The following AP3M2 variants were observed in gnomAD, a reference collection of about 807,000 sequenced individuals.
AP3M2 encodes adaptor related protein complex 3 subunit mu 2, also known as AP-3 complex subunit mu-2.
Under a neutral mutation model 41.6 loss-of-function variants are expected in AP3M2, and 28 were observed. The observed-to-expected ratio is 0.67, with a 90% confidence interval of 0.50 to 0.92. The LOEUF is 0.92. Among genes scored for constraint, AP3M2 ranks in the 40% least tolerant of loss-of-function variants. The pLI is 0.00. For missense variants in AP3M2, 427 were observed against 521.4 expected (o/e 0.82, Z 1.76); for synonymous variants, 193 against 186.4 (o/e 1.04, Z -0.29).
Position 42,165,450 on chromosome 8 carries a change from C to G in AP3M2, c.693C>G (p.Val231=), listed in dbSNP as rs1271903495. 6.2e-7 allele frequency: 1 copy of G among 1,614,162 alleles called. No homozygotes were observed. Among genetic ancestry groups the G allele is most frequent in the Non-Finnish European group, 8.5e-7 (1 of 1,180,024 alleles). The change falls in exon 6 of 9, where the codon GTC becomes GTG. Residue 231 remains valine (V), a synonymous_variant. Transcript: ENST00000396926. Reference sequence around the variant, plus strand: ...AGAACCCTAGGTTGTTGGATGATGTCAGCTTCCATCCTTGTGTTCGTTTCA... The same window carrying G: ...AGAACCCTAGGTTGTTGGATGATGTGAGCTTCCATCCTTGTGTTCGTTTCA... ...SFMNPRLLDD[V]SFHPCVRFKR... is the part of the protein sequence containing the mutation.
At chr8:42,167,526 C>T in intron 7 of AP3M2, 140 bp from the exon 8 acceptor site, 1 of 1,369,300 alleles carries the variant, frequency 7.3e-7, no homozygotes, top group South Asian at 1.4e-5. Flanking sequence ...ACGTAGGATT[C>T]TCAATGGAAA....
intron 2 of AP3M2, among the ~76,000 whole-genome samples, chr8:42,155,172 G>T (rs1438763850): frequency 6.6e-6 from 1 of 152,134 alleles, no homozygotes; most frequent in Admixed American, 6.5e-5. Context: ...AACCTCTTGC[G>T]TGGGAAAGTC....
chr8:42,155,041 T>A, intron 2 of AP3M2, 81 bp downstream of exon 2: 1 of 1,183,618 alleles, frequency 8.4e-7, no homozygotes, highest in Non-Finnish European at 1.2e-6. Flanking sequence ...AAGCCTCCAT[T>A]AAGAAACTTA....
At position 42,167,671 on chromosome 8, in the gene AP3M2, G is replaced by C; in HGVS notation, c.1017G>C (p.Leu339=). The part of the protein sequence containing the change: ...THTFDPVTKM[L]SWDVGKINPQ... Reference sequence around the variant, plus strand: ...CATTTTTATTTTCTTTGAAGATGCTGTCTTGGGATGTAGGAAAAATAAATC... The same window carrying C: ...CATTTTTATTTTCTTTGAAGATGCTCTCTTGGGATGTAGGAAAAATAAATC... Residue 339 remains leucine (L), a synonymous_variant, in exon 8 of 9, where the codon CTG becomes CTC. Transcript: ENST00000396926. 6.2e-7 allele frequency: 1 copy of C among 1,610,050 alleles called. No individual in the cohort carries two copies. The highest frequency in any genetic ancestry group is 8.5e-7 in the Non-Finnish European group (1 of 1,179,024).
chr8:42,161,996 G>T (rs935094366), intron 3 of AP3M2: 39 of 246,208 alleles, frequency 1.6e-4, no homozygotes, highest in Non-Finnish European at 3.9e-5. Flanking sequence ...CTGCATCTGA[G>T]ATACTAAGTT....
At chr8:42,168,353 G>T in intron 8 of AP3M2, 1 of 340,926 alleles carries the variant, frequency 2.9e-6, no homozygotes, top group East Asian at 8.1e-5. Flanking sequence ...CTTTTCATGT[G>T]TTTTCTTTTT....
chr8:42,164,439 A>G (rs1804585852), intron 4 of AP3M2, among the ~76,000 whole-genome samples: 1 of 152,194 alleles, frequency 6.6e-6, no homozygotes, highest in Admixed American at 6.5e-5. Flanking sequence ...AAGTAGGTAA[A>G]ATAACCCAGG....
At chr8:42,168,119 A>T (rs1425603673) in intron 8 of AP3M2, 1 of 529,202 alleles carries the variant, frequency 1.9e-6, no homozygotes, top group Non-Finnish European at 3.6e-6. Flanking sequence ...CAGGTTCCCA[A>T]GGTTTTCAGT....
In AP3M2 at chr8:42,167,379, T is replaced by G. The variant is rs778441868; in HGVS notation, c.1011+8T>G. The G allele has an allele frequency of 1.2e-6, 2 of 1,612,680 alleles. No individual in the cohort carries two copies. The highest frequency in any genetic ancestry group is 1.7e-6 in the Non-Finnish European group (2 of 1,178,844). ...TTCGACCCAGTCACAAAGGTAGGGATGAGCAGGACATCTTGAATTGCTGAT... is the reference window on the plus strand; with the variant it reads ...TTCGACCCAGTCACAAAGGTAGGGAGGAGCAGGACATCTTGAATTGCTGAT... On this transcript the variant is annotated splice_region_variant and intron_variant, in intron 7 of 8. Coordinates refer to ENST00000396926, the MANE Select transcript of AP3M2 (RefSeq NM_006803.4).
rs1255358636 is a variant in AP3M2 at position 42,158,039 on chromosome 8, T to C, written c.372T>C (p.Ala124=). Residue 124 remains alanine (A), a synonymous_variant, in exon 3 of 9, where the codon GCT becomes GCC. Transcript: ENST00000396926. Reference sequence around the variant, plus strand: ...TGCTTGACAATGGTTTTCCATTGGCTACCGAGTCGAACATTCTTAAAGAAC... The same window carrying C: ...TGCTTGACAATGGTTTTCCATTGGCCACCGAGTCGAACATTCTTAAAGAAC... ...EEMLDNGFPL[A]TESNILKELI... 3 of 1,614,094 alleles carry C rather than the reference T, an allele frequency of 1.9e-6. No homozygotes were observed. Among genetic ancestry groups the C allele is most frequent in the Non-Finnish European group, 1.7e-6 (2 of 1,180,038 alleles).
chr8:42,165,448 G>A lies in AP3M2; in HGVS notation c.691G>A (p.Val231Ile). 6.2e-7 allele frequency: 1 copy of A among 1,614,194 alleles called. No individual in the cohort carries two copies. The highest frequency in any genetic ancestry group is 8.5e-7 in the Non-Finnish European group (1 of 1,180,046). ...GTAGAACCCTAGGTTGTTGGATGAT[G>A]TCAGCTTCCATCCTTGTGTTCGTTT... ...SFMNPRLLDD[V>I]SFHPCVRFKR... Residue 231 changes from valine (V) to isoleucine (I), a missense_variant, in exon 6 of 9, where the codon GTC (valine) becomes ATC (isoleucine). By Grantham distance (29) the Val-to-Ile change is conservative (BLOSUM62 3). This residue lies in a region of AP3M2 where 237 missense variants were observed against 284.9 expected (regional missense o/e 0.83). Coordinates refer to ENST00000396926, the MANE Select transcript of AP3M2 (RefSeq NM_006803.4).
Position 42,167,310 on chromosome 8 carries a change from G to A in AP3M2, c.950G>A (p.Gly317Glu), listed in dbSNP as rs185352782. 5 of 1,614,140 alleles carry A rather than the reference G, an allele frequency of 3.1e-6. No individual in the cohort carries two copies. The South Asian group carries it at 5.5e-5, about 18-fold the overall frequency. Residue 317 changes from glycine to glutamate, a missense_variant, in exon 7 of 9, where the codon GGG becomes GAG. By Grantham distance (98) the Gly-to-Glu change is moderately conservative. Coordinates refer to ENST00000396926, the MANE Select transcript of AP3M2 (RefSeq NM_006803.4). ...GVTVTSQMPKGVLNMSLTPSQ... is the reference protein window; with the variant it reads ...GVTVTSQMPKEVLNMSLTPSQ... Reference sequence around the variant, plus strand: ...ACTGTCACCAGCCAGATGCCCAAGGGGGTCCTGAACATGAGCCTTACTCCA... The same window carrying A: ...ACTGTCACCAGCCAGATGCCCAAGGAGGTCCTGAACATGAGCCTTACTCCA...
At chr8:42,159,572 T>C (rs767481976) in intron 3 of AP3M2, among the ~76,000 whole-genome samples, 17 of 152,250 alleles carry the variant, frequency 1.1e-4, no homozygotes, top group Non-Finnish European at 2.2e-4. Context: ...TATTTCTTTT[T>C]TCATGTGGAT....
chr8:42,154,194 A>G (rs1348089429), intron 1 of AP3M2: 1 of 161,786 alleles, frequency 6.2e-6, no homozygotes, highest in African/African-American at 2.4e-5. Context: ...TGGCTATCGT[A>G]TTAAGCTGCG....
chr8:42,167,467 A>G, intron 7 of AP3M2, 96 bp downstream of exon 7: 1 of 1,479,438 alleles, frequency 6.8e-7, no homozygotes, highest in South Asian at 1.2e-5. Context: ...GGAAGGTGAG[A>G]TGAGTCAAAG....
intron 2 of AP3M2, among the ~76,000 whole-genome samples, chr8:42,156,614 AT>A: frequency 6.6e-6 from 1 of 152,284 alleles, no homozygotes; most frequent in East Asian, 1.9e-4. Flanking sequence ...CTTCTTTTAA[AT>A]TATCATTCAA....
At position 42,167,350 on chromosome 8, in the gene AP3M2, CACAT is replaced by C; in HGVS notation, c.991_994del (p.Thr331SerfsTer12). ...GCCTTACTCCATCACAGGGGACACA[CACAT>C]TCGACCCAGTCACAAAGGTAGGGAT... is the stretch of plus-strand genomic sequence containing the variant. On this transcript the variant is annotated frameshift_variant, in exon 7 of 9. Coordinates refer to ENST00000396926, the MANE Select transcript of AP3M2 (RefSeq NM_006803.4). LOFTEE classifies it high-confidence loss of function. 6.2e-7 allele frequency: 1 copy of C among 1,614,142 alleles called. No individual in the cohort carries two copies. The highest frequency in any genetic ancestry group is 1.1e-5 in the South Asian group (1 of 91,074).
At position 42,154,967 on chromosome 8, in the gene AP3M2, G is replaced by C; in HGVS notation, c.273+7G>C. ...AGTGGTGGACACATTTCAGGTTCGT[G>C]AATGTGGGAAAGTTCATATATGTAA... On this transcript the variant is annotated splice_region_variant and intron_variant, in intron 2 of 8. Transcript: ENST00000396926. The C allele has an allele frequency of 6.2e-7, 1 of 1,609,288 alleles. No homozygotes were observed. Among genetic ancestry groups the C allele is most frequent in the East Asian group, 2.2e-5 (1 of 44,824 alleles).
intron 8 of AP3M2, among the ~76,000 whole-genome samples, chr8:42,168,615 T>A (rs1020599499): frequency 1.3e-5 from 2 of 152,250 alleles, no homozygotes; most frequent in African/African-American, 4.8e-5. Flanking sequence ...TATTTATAAT[T>A]TACTTCATTA....
Sources: gnomAD v4.1 joint callset for allele counts (sites outside exome capture counted in the v4.1 genomes callset) on GRCh38, gnomAD v4.1.1 for gene constraint, gnomAD v4.1.1 regional missense constraint, MANE v1.5 for transcripts, NCBI Gene and HGNC (gene_info 2026-07-23, HGNC 2026-07-21) for gene names.